GBP1: variants seen among roughly 807,000 people sequenced by gnomAD.
GBP1 encodes guanylate-binding protein 1.
A neutral mutation model predicts 69.5 loss-of-function variants in GBP1; 64 were observed. That is an observed-to-expected ratio of 0.92 (90% CI 0.75 to 1.13). The LOEUF (loss-of-function observed/expected upper bound fraction) is 1.13. Among genes scored for constraint, GBP1 ranks in the 50% most tolerant of loss-of-function variants. The pLI, the probability that GBP1 is intolerant of heterozygous loss-of-function variation, is 0.00. For synonymous variants in GBP1, 250 were observed against 261.2 expected, an observed-to-expected ratio of 0.96 and a Z score of 0.41; for missense variants, 630 against 704.1, an observed-to-expected ratio of 0.89 and a Z score of 1.19.
At chr1:89,064,150 TAGAA>T (rs1334414956) in intron 1 of GBP1, among the ~76,000 whole-genome samples, 1 of 148,154 alleles carries the variant, frequency 6.7e-6, no homozygotes, top group Admixed American at 6.8e-5. Context: ...GAAAGAGAAA[TAGAA>T]AGAGGAGGAA....
intron 1 of GBP1, among the ~76,000 whole-genome samples, chr1:89,063,767 A>G (rs991759010): frequency 1.4e-4 from 21 of 152,224 alleles, no homozygotes; most frequent in Non-Finnish European, 2.9e-5. Flanking sequence ...CACTGCAATG[A>G]GGATTGACAA....
intron 4 of GBP1, 62 bp from the exon 5 acceptor site, chr1:89,059,105 A>G: frequency 6.2e-7 from 1 of 1,607,058 alleles, no homozygotes; most frequent in Admixed American, 1.7e-5. Context: ...TGTTAGTTCA[A>G]CACATACCCA....
chr1:89,060,602 C>A (rs1178278427), intron 2 of GBP1, among the ~76,000 whole-genome samples: 1 of 152,216 alleles, frequency 6.6e-6, no homozygotes, highest in Non-Finnish European at 1.5e-5. Flanking sequence ...GCTAACTTCA[C>A]ATTTAATGAT....
At position 89,058,157 on chromosome 1, in the gene GBP1, C is replaced by T; in HGVS notation, c.709G>A (p.Val237Ile). ...CTGCGGTGAACGGGCCGATCAAAGACAAAGCATTTTTTCTTTGGGAAGAAT... is the reference window on the plus strand; with the variant it reads ...CTGCGGTGAACGGGCCGATCAAAGATAAAGCATTTTTTCTTTGGGAAGAAT... ...RKFFPKKKCF[V>I]FDRPVHRRKL... The change falls in exon 6 of 11, where the codon GTC becomes ATC. Residue 237 changes from valine (V) to isoleucine (I), a missense_variant. Around this residue, in one of 5 missense-constraint regions of GBP1, gnomAD observed 367 missense variants for 369.5 expected, o/e 0.99. Transcript: ENST00000370473. The T allele has an allele frequency of 6.2e-7, 1 of 1,614,018 alleles. No individual in the cohort carries two copies. Among genetic ancestry groups the T allele is most frequent in the Non-Finnish European group, 8.5e-7 (1 of 1,179,930 alleles).
chr1:89,056,058 G>T lies in GBP1; in HGVS notation c.1326C>A (p.Asp442Glu). Residue 442 changes from aspartate (D) to glutamate (E), a missense_variant, in exon 8 of 11, where the codon GAC (aspartate) becomes GAA (glutamate). Asp to Glu is a conservative substitution (Grantham distance 45). Around this residue, in one of 5 missense-constraint regions of GBP1, gnomAD observed 367 missense variants for 369.5 expected, o/e 0.99. Coordinates refer to ENST00000370473, the MANE Select transcript of GBP1 (RefSeq NM_002053.3). ...GYRLFVQKLQDLKKKYYEEPR... is the reference protein window; with the variant it reads ...GYRLFVQKLQELKKKYYEEPR... Reference sequence around the variant, plus strand: ...GTTCCTCATAGTACTTTTTCTTCAGGTCTTGTAGCTTCTGAACAAAGAGAC... The same window carrying T: ...GTTCCTCATAGTACTTTTTCTTCAGTTCTTGTAGCTTCTGAACAAAGAGAC... The T allele has an allele frequency of 6.2e-7, 1 of 1,613,804 alleles. No homozygotes were observed. The highest frequency in any genetic ancestry group is 8.5e-7 in the Non-Finnish European group (1 of 1,179,850).
chr1:89,056,059 T>A lies in GBP1; in HGVS notation c.1325A>T (p.Asp442Val). The change falls in exon 8 of 11, where the codon GAC (aspartate) becomes GTC (valine). Residue 442 changes from aspartate (D) to valine (V), a missense_variant. Asp to Val is a radical substitution (Grantham distance 152). Coordinates refer to ENST00000370473, the MANE Select transcript of GBP1 (RefSeq NM_002053.3). ...TTCCTCATAGTACTTTTTCTTCAGG[T>A]CTTGTAGCTTCTGAACAAAGAGACG... ...GYRLFVQKLQ[D>V]LKKKYYEEPR... The A allele has an allele frequency of 6.2e-7, 1 of 1,613,962 alleles. No individual in the cohort carries two copies.
intron 10 of GBP1, 100 bp downstream of exon 10, chr1:89,054,582 A>C (rs1410829589): frequency 4.8e-5 from 52 of 1,081,654 alleles, no homozygotes; most frequent in Middle Eastern, 2.1e-4. Context: ...CAGGGTCCTT[A>C]CCCTGGGCTT....
chr1:89,061,332 G>T (rs940719249), intron 2 of GBP1, among the ~76,000 whole-genome samples: 4 of 152,062 alleles, frequency 2.6e-5, no homozygotes, highest in Non-Finnish European at 5.9e-5. Flanking sequence ...TAAACCAATA[G>T]AATAGAAAAG....
At position 89,052,473 on chromosome 1, in the gene GBP1, TG is replaced by T. The variant is rs1223706991; in HGVS notation, c.*881del. 1 of 152,188 alleles carries T rather than the reference TG, an allele frequency of 6.6e-6. No individual in the cohort carries two copies. The highest frequency in any genetic ancestry group is 2.4e-5 in the African/African-American group (1 of 41,448). 9.4% of individuals were successfully genotyped at this position (152,188 alleles called of 1,614,324 possible). On this transcript the variant is annotated 3_prime_UTR_variant, in exon 11 of 11. Transcript: ENST00000370473. Reference sequence around the variant, plus strand: ...TCAAAAAAAATCCCATATTCTCTTCTGGGGAAACTCAGAAAGTTTTCAAGTA... The same window carrying T: ...TCAAAAAAAATCCCATATTCTCTTCTGGGAAACTCAGAAAGTTTTCAAGTA...
chr1:89,060,618 G>A (rs1265411417), intron 2 of GBP1, among the ~76,000 whole-genome samples: 1 of 152,290 alleles, frequency 6.6e-6, no homozygotes, highest in South Asian at 2.1e-4. Context: ...ATGATGAAAC[G>A]TCATAGCTTT....
rs945227067 is a variant in GBP1 at position 89,063,350 on chromosome 1, G to A, written c.-19-97C>T. ...CCCAGTATGGCCAAAAGTTTTGTGT[G>A]TGACAGCAAAAGAGATGAGGCAAAA... On this transcript the variant is annotated intron_variant, in intron 1 of 10. Coordinates refer to ENST00000370473, the MANE Select transcript of GBP1 (RefSeq NM_002053.3). 4.5e-6 allele frequency: 5 copies of A among 1,117,686 alleles called. No individual in the cohort carries two copies. The African/African-American group carries it at 7.8e-5, about 17-fold the overall frequency. The allele number at this position is 1,117,686 out of a possible 1,614,324, so 69.2% of individuals were successfully genotyped here. A position where few individuals can be genotyped will look rare whatever the true frequency, so the allele number is the denominator to read the frequency against.
intron 7 of GBP1, 101 bp downstream of exon 7, chr1:89,056,753 C>G: frequency 1.2e-5 from 16 of 1,316,674 alleles, no homozygotes; most frequent in Non-Finnish European, 1.6e-5. Flanking sequence ...ATTATGGAAG[C>G]TAGGAGGAAT....
In GBP1 at chr1:89,052,859, T is replaced by C. The variant is rs1450227610; in HGVS notation, c.*496A>G. On this transcript the variant is annotated 3_prime_UTR_variant, in exon 11 of 11. Coordinates refer to ENST00000370473, the MANE Select transcript of GBP1 (RefSeq NM_002053.3). ...TCTGTATAAGGTGGTTTGCTTTAGCTTGAAATCATCAGTGAGGATTATACA... is the reference window on the plus strand; with the variant it reads ...TCTGTATAAGGTGGTTTGCTTTAGCCTGAAATCATCAGTGAGGATTATACA... 6.6e-6 allele frequency: 1 copy of C among 152,418 alleles called. No homozygotes were observed. The highest frequency in any genetic ancestry group is 1.9e-4 in the East Asian group (1 of 5,202). The allele number at this position is 152,418 out of a possible 1,614,324, so 9.4% of individuals were successfully genotyped here. A position where few individuals can be genotyped will look rare whatever the true frequency, so the allele number is the denominator to read the frequency against.
intron 3 of GBP1, among the ~76,000 whole-genome samples, chr1:89,059,740 A>G (rs1680137129): frequency 6.6e-6 from 1 of 152,010 alleles, no homozygotes; most frequent in African/African-American, 2.4e-5. Flanking sequence ...CCTGAGTACA[A>G]TGTAAATTTA....
rs577361879 is a variant in GBP1 at position 89,052,545 on chromosome 1, A to G, written c.*810T>C. ...AGACTATCATAAGCTTTAACATTCT[A>G]AATAATAAGTAATTGAATTATTTCA... On this transcript the variant is annotated 3_prime_UTR_variant, in exon 11 of 11. Coordinates refer to ENST00000370473, the MANE Select transcript of GBP1 (RefSeq NM_002053.3). The G allele has an allele frequency of 4.6e-5, 7 of 152,348 alleles. No individual in the cohort carries two copies. The South Asian group carries it at 1.4e-3, about 32-fold the overall frequency. 9.4% of individuals were successfully genotyped at this position (152,348 alleles called of 1,614,324 possible). A position where few individuals can be genotyped will look rare whatever the true frequency, so the allele number is the denominator to read the frequency against.
chr1:89,062,644 AT>A (rs1557751528), intron 2 of GBP1: 10 of 166,186 alleles, frequency 6.0e-5, no homozygotes, highest in Non-Finnish European at 1.3e-4. Flanking sequence ...GTTAAATTTT[AT>A]TTTTTTTACA....
intron 2 of GBP1, among the ~76,000 whole-genome samples, chr1:89,062,456 C>A (rs142967600): frequency 2.8e-4 from 43 of 152,230 alleles, no homozygotes; most frequent in African/African-American, 1.0e-3. Context: ...TAGTCAAATT[C>A]ATAGAGATAG....
chr1:89,062,901 G>T (rs549532700), intron 2 of GBP1, 144 bp downstream of exon 2: 5 of 933,758 alleles, frequency 5.4e-6, no homozygotes, highest in Non-Finnish European at 8.1e-6. Context: ...CTAGAACAGC[G>T]TGAAGATAAG....
At chr1:89,064,211 G>T (rs1680273141) in intron 1 of GBP1, among the ~76,000 whole-genome samples, 1 of 48,842 alleles carries the variant, frequency 2.0e-5, no homozygotes, top group Admixed American at 1.7e-4. Context: ...GTGTGTGTGT[G>T]TGTGTGTGTG....
Sources: allele counts gnomAD v4.1 joint callset (sites outside exome capture counted in the v4.1 genomes callset), GRCh38; gene constraint gnomAD v4.1.1; regional missense constraint gnomAD v4.1.1; transcripts MANE v1.5; gene names NCBI Gene and HGNC (gene_info 2026-07-23, HGNC 2026-07-21).